The following DLC1 variants were observed in gnomAD, a reference collection of about 807,000 sequenced individuals.
The protein encoded by DLC1 is DLC1 Rho GTPase activating protein.
In DLC1, 54 loss-of-function variants were observed where a neutral mutation model predicts 140.3. That is an observed-to-expected ratio of 0.38 (90% CI 0.31 to 0.48). The LOEUF is 0.48. Among genes scored for constraint, DLC1 ranks in the 20% least tolerant of loss-of-function variants. DLC1 has a pLI of 0.96. For synonymous variants in DLC1, 986 were observed against 728.1 expected (o/e 1.35, Z -5.70); for missense variants, 2,536 against 1,907.0 (o/e 1.33, Z -6.14).
chr8:13,118,414 TA>T (rs947621186), intron 5 of DLC1, among the ~76,000 whole-genome samples: 4 of 151,064 alleles, frequency 2.6e-5, no homozygotes, highest in East Asian at 1.9e-4. Context: ...TTCTTCACCC[TA>T]AAAAAAAATG....
chr8:13,373,910 A>C (rs1009315074), intron 4 of DLC1, among the ~76,000 whole-genome samples: 1 of 152,254 alleles, frequency 6.6e-6, no homozygotes, highest in African/African-American at 2.4e-5. Context: ...AAATATTCAT[A>C]ATGTTAAAAT....
Position 13,499,619 on chromosome 8 carries a change from C to CATACAA in DLC1, c.452_453insTTGTAT (p.Leu151_Pro152insCysMet). The CATACAA allele has an allele frequency of 6.2e-7, 1 of 1,614,186 alleles. No homozygotes were observed. The highest frequency in any genetic ancestry group is 1.1e-5 in the South Asian group (1 of 91,090). On this transcript the variant is annotated inframe_insertion, in exon 2 of 18. Transcript: ENST00000276297. ...AAACTTGGTTACTTTGTATGATGGG[C>CATACAA]AGTGCCTTTTCTAAGGAGCCTGCTC...
intron 1 of DLC1, among the ~76,000 whole-genome samples, chr8:13,591,103 G>C (rs1805500157): frequency 1.3e-5 from 2 of 152,090 alleles, no homozygotes; most frequent in Non-Finnish European, 2.9e-5. Context: ...GGGTTTCTAA[G>C]TCATCGTGAG....
At chr8:13,352,306 A>G (rs564386467) in intron 4 of DLC1, among the ~76,000 whole-genome samples, 1 of 152,344 alleles carries the variant, frequency 6.6e-6, no homozygotes, top group South Asian at 2.1e-4. Flanking sequence ...CCTTTGATCC[A>G]TTCAGCTTCA....
At chr8:13,173,750 A>AG (rs1825617710) in intron 5 of DLC1, among the ~76,000 whole-genome samples, 1 of 152,178 alleles carries the variant, frequency 6.6e-6, no homozygotes, top group African/African-American at 2.4e-5. Flanking sequence ...ATAAAACTAC[A>AG]GATTTCGAAT....
intron 5 of DLC1, among the ~76,000 whole-genome samples, chr8:13,142,437 C>T (rs888247838): frequency 1.3e-5 from 2 of 152,136 alleles, no homozygotes; most frequent in Admixed American, 6.5e-5. Context: ...AAGGCAAAAA[C>T]AACACAGAGG....
chr8:13,405,772 G>A (rs956121157), intron 2 of DLC1, among the ~76,000 whole-genome samples: 1 of 151,888 alleles, frequency 6.6e-6, no homozygotes, highest in African/African-American at 2.4e-5. Context: ...AACCTGTGAA[G>A]TCGTCTTGCC....
chr8:13,506,597 A>ATATATATATATATG (rs1802089846), intron 1 of DLC1, among the ~76,000 whole-genome samples: 1 of 142,514 alleles, frequency 7.0e-6, no homozygotes, highest in African/African-American at 2.8e-5. Context: ...ATATATATAT[A>ATATATATATATATG]TATATATATA....
chr8:13,335,204 C>T (rs988603644), intron 4 of DLC1, among the ~76,000 whole-genome samples: 1 of 152,020 alleles, frequency 6.6e-6, no homozygotes, highest in Non-Finnish European at 1.5e-5. Flanking sequence ...TTGGGGTCTG[C>T]CACAATTTAG....
At chr8:13,112,596 A>G (rs1006889430) in intron 6 of DLC1, among the ~76,000 whole-genome samples, 1 of 152,252 alleles carries the variant, frequency 6.6e-6, no homozygotes, top group Non-Finnish European at 1.5e-5. Context: ...TGGAACCATT[A>G]TAATGGAAAT....
rs1055694839 is a variant in DLC1 at position 13,510,600 on chromosome 8, G to T, written c.-126+4002C>A. Among the ~76,000 whole-genome samples, 8 of 152,144 alleles carry T rather than the reference G, an allele frequency of 5.3e-5. No homozygotes were observed. In the South Asian group the frequency reaches 1.7e-3, roughly 31 times the overall value. Reference sequence around the variant, plus strand: ...AGCAGAAACTCAAAGTAGTTACGGGGCAAACATCAAATCACAGAGCGTCAA... The same window carrying T: ...AGCAGAAACTCAAAGTAGTTACGGGTCAAACATCAAATCACAGAGCGTCAA... On this transcript the variant is annotated intron_variant, in intron 1 of 17. Transcript: ENST00000276297.
chr8:13,392,242 C>G (rs1172643335), intron 4 of DLC1, among the ~76,000 whole-genome samples: 1 of 152,146 alleles, frequency 6.6e-6, no homozygotes, highest in East Asian at 1.9e-4. Flanking sequence ...ACATACTTAC[C>G]TCCTTTTGCT....
At chr8:13,166,597 T>C (rs2116903318) in intron 5 of DLC1, among the ~76,000 whole-genome samples, 1 of 152,290 alleles carries the variant, frequency 6.6e-6, no homozygotes, top group East Asian at 1.9e-4. Context: ...CCTCCCAAAG[T>C]GCTGGAATTA....
At chr8:13,372,435 T>C (rs1322179492) in intron 4 of DLC1, among the ~76,000 whole-genome samples, 1 of 152,192 alleles carries the variant, frequency 6.6e-6, no homozygotes, top group Non-Finnish European at 1.5e-5. Flanking sequence ...GTCAGTTCAC[T>C]AGCACTCCAA....
At chr8:13,314,934 C>G (rs117174780) in intron 4 of DLC1, among the ~76,000 whole-genome samples, 2,427 of 152,238 alleles carry the variant, frequency 0.016, 36 homozygotes, top group Middle Eastern at 0.031. Flanking sequence ...TATGCGTGGT[C>G]TAACCTAAAA....
chr8:13,244,015 C>T (rs1469554679), intron 5 of DLC1, among the ~76,000 whole-genome samples: 1 of 152,220 alleles, frequency 6.6e-6, no homozygotes, highest in Non-Finnish European at 1.5e-5. Context: ...CCTGGGGGAA[C>T]CACCATTCCT....
chr8:13,471,672 C>A (rs1010332953), intron 2 of DLC1, among the ~76,000 whole-genome samples: 1 of 151,572 alleles, frequency 6.6e-6, no homozygotes, highest in South Asian at 2.1e-4. Flanking sequence ...CGCTTGTACC[C>A]CTGAACTTAA....
chr8:13,591,549 T>C (rs979915357), intron 1 of DLC1, among the ~76,000 whole-genome samples: 4 of 152,114 alleles, frequency 2.6e-5, no homozygotes, highest in Admixed American at 1.3e-4. Context: ...TTAAACCTCT[T>C]TTCTTCATAA....
At chr8:13,403,140 C>A (rs571468254) in intron 2 of DLC1, among the ~76,000 whole-genome samples, 1 of 152,314 alleles carries the variant, frequency 6.6e-6, no homozygotes, top group Non-Finnish European at 1.5e-5. Flanking sequence ...ATGCTAATTC[C>A]TTCAGAATAC....
Sources: gnomAD v4.1 joint callset for allele counts (sites outside exome capture counted in the v4.1 genomes callset) on GRCh38, gnomAD v4.1.1 for gene constraint, MANE v1.5 for transcripts, NCBI Gene and HGNC (gene_info 2026-07-23, HGNC 2026-07-21) for gene names.